The following ZNF37A variants were observed in gnomAD, a reference collection of about 807,000 sequenced individuals.
ZNF37A encodes the protein zinc finger protein 37a (KOX 21).
A neutral mutation model predicts 12.3 loss-of-function variants in ZNF37A; 10 were observed. The ratio of observed to expected loss-of-function variants is 0.82; its 90% CI spans 0.50 to 1.38. The LOEUF (loss-of-function observed/expected upper bound fraction) is 1.38. ZNF37A is among the 40% of genes most tolerant of loss of function. The pLI is 0.00. For synonymous variants in ZNF37A, 207 were observed against 223.0 expected, an observed-to-expected ratio of 0.93 and a Z score of 0.64; for missense variants, 580 against 651.2, an observed-to-expected ratio of 0.89 and a Z score of 1.19.
chr10:38,112,766 T>TCGG (rs1564932154), intron 5 of ZNF37A, among the ~76,000 whole-genome samples: 3,039 of 57,938 alleles, frequency 0.052, 347 homozygotes, highest in African/African-American at 0.072. Flanking sequence ...TTTTCTTTTC[T>TCGG]TTTCTTTTCT....
chr10:38,107,743 A>T (rs80162258), intron 5 of ZNF37A, among the ~76,000 whole-genome samples: 1 of 152,356 alleles, frequency 6.6e-6, no homozygotes, highest in South Asian at 2.1e-4. Context: ...ACGAAGATCA[A>T]AAGAGACAAA....
chr10:38,123,024 G>A lies in ZNF37A; in HGVS notation c.*4187G>A, dbSNP rs2069802141. ...CACGGTTTTGCAGGCTGTACAGGAA[G>A]CATGGTGCTAACATCTGATCAGCTT... On this transcript the variant is annotated 3_prime_UTR_variant, in exon 8 of 8. Coordinates refer to ENST00000685332, the MANE Select transcript of ZNF37A (RefSeq NM_001324250.3). 6.6e-6 allele frequency: 1 copy of A among 152,436 alleles called. No individual in the cohort carries two copies. Among genetic ancestry groups the A allele is most frequent in the Admixed American group, 6.5e-5 (1 of 15,276 alleles). The allele number at this position is 152,436 out of a possible 1,614,324, so 9.4% of individuals were successfully genotyped here.
chr10:38,138,328 C>G (rs2070138112), intron 7 of ZNF37A: 1 of 152,158 alleles, frequency 6.6e-6, no homozygotes. Flanking sequence ...ATCACAAACA[C>G]TAAGTATAGA....
chr10:38,109,286 AC>A (rs2068422213), intron 5 of ZNF37A, among the ~76,000 whole-genome samples: 4 of 152,074 alleles, frequency 2.6e-5, no homozygotes, highest in Admixed American at 2.6e-4. Flanking sequence ...AAAATTCAAC[AC>A]CCCTTCATGC....
At chr10:38,136,915 T>C (rs1287290500) in intron 7 of ZNF37A, among the ~76,000 whole-genome samples, 1 of 152,194 alleles carries the variant, frequency 6.6e-6, no homozygotes, top group Non-Finnish European at 1.5e-5. Flanking sequence ...TTTTTTGGCT[T>C]GCTTAAATCT....
chr10:38,123,574 A>ATATCCAAACTG lies in ZNF37A; in HGVS notation c.*4742_*4752dup, dbSNP rs2069837375. On this transcript the variant is annotated 3_prime_UTR_variant, in exon 8 of 8. Coordinates refer to ENST00000685332, the MANE Select transcript of ZNF37A (RefSeq NM_001324250.3). The stretch of plus-strand genomic sequence containing the variant: ...CAAAGTGAGATTTGGGCAGGGACTA[A>ATATCCAAACTG]TATCCAAACTGTATCAACATCTGAC... 1 of 152,122 alleles carries ATATCCAAACTG rather than the reference A, an allele frequency of 6.6e-6. No individual in the cohort carries two copies. The highest frequency in any genetic ancestry group is 1.5e-5 in the Non-Finnish European group (1 of 68,024). The allele number at this position is 152,122 out of a possible 1,614,324, so 9.4% of individuals were successfully genotyped here. A position where few individuals can be genotyped will look rare whatever the true frequency, so the allele number is the denominator to read the frequency against.
chr10:38,149,161 CAA>C (rs1424072216), exon 8 of ZNF37A: 1 of 152,130 alleles, frequency 6.6e-6, no homozygotes, highest in African/African-American at 2.4e-5. Context: ...TATTCTAACA[CAA>C]AATGATAGCT....
At chr10:38,112,612 C>T (rs1256720995) in intron 5 of ZNF37A, among the ~76,000 whole-genome samples, 1 of 151,292 alleles carries the variant, frequency 6.6e-6, no homozygotes, top group African/African-American at 2.4e-5. Flanking sequence ...TATTTATCTC[C>T]TGGATTTATC....
intron 5 of ZNF37A, among the ~76,000 whole-genome samples, chr10:38,097,398 T>C (rs1450080247): frequency 1.3e-5 from 2 of 151,754 alleles, no homozygotes; most frequent in African/African-American, 4.8e-5. Context: ...ACCAACATGG[T>C]GAAACCCCGT....
intron 7 of ZNF37A, chr10:38,144,513 A>G (rs1332580813): frequency 6.6e-6 from 1 of 152,194 alleles, no homozygotes; most frequent in Non-Finnish European, 1.5e-5. Flanking sequence ...TCATGATGCA[A>G]TATAGTATGA....
Position 38,118,078 on chromosome 10 carries a change from T to A in ZNF37A, c.927T>A (p.Tyr309Ter), listed in dbSNP as rs1196266244. 1 of 1,613,820 alleles carries A rather than the reference T, an allele frequency of 6.2e-7. No individual in the cohort carries two copies. The highest frequency in any genetic ancestry group is 1.7e-5 in the Admixed American group (1 of 59,954). Residue 309 changes from tyrosine (Y) to a stop codon, truncating the protein, a stop_gained, in exon 8 of 8, where the codon TAT becomes TAA. Transcript: ENST00000685332. LOFTEE classifies it low-confidence loss of function (END_TRUNC). Reference sequence around the variant, plus strand: ...GTCATGAATGTGGGAAGACCTTCTATAAGAATTCAGACCTCATTAAACATC... The same window carrying A: ...GTCATGAATGTGGGAAGACCTTCTAAAAGAATTCAGACCTCATTAAACATC... ...YECHECGKTF[Y>*]KNSDLIKHQR...
intron 5 of ZNF37A, among the ~76,000 whole-genome samples, chr10:38,111,220 A>G (rs1391436034): frequency 6.6e-6 from 1 of 152,164 alleles, no homozygotes; most frequent in Admixed American, 6.5e-5. Flanking sequence ...ATTCTCAGCA[A>G]ACTAACACAA....
Position 38,114,901 on chromosome 10 carries a change from C to G in ZNF37A, c.142+20C>G, listed in dbSNP as rs778843904. 2.5e-6 allele frequency: 4 copies of G among 1,597,634 alleles called. No individual in the cohort carries two copies. The highest frequency in any genetic ancestry group is 3.6e-5 in the Admixed American group (2 of 55,912). On this transcript the variant is annotated intron_variant, in intron 6 of 7. Coordinates refer to ENST00000685332, the MANE Select transcript of ZNF37A (RefSeq NM_001324250.3). ...CAGTAGGTAGGTAGGAATTGTTTCC[C>G]ATGTAGAAGGCCAGAATGCATGTCC...
intron 7 of ZNF37A, among the ~76,000 whole-genome samples, chr10:38,131,457 A>G (rs2070026142): frequency 6.6e-6 from 1 of 152,078 alleles, no homozygotes; most frequent in Non-Finnish European, 1.5e-5. Flanking sequence ...TCATTTTTCT[A>G]TTGAATGGCC....
intron 7 of ZNF37A, chr10:38,142,247 A>C (rs1264350361): frequency 6.6e-6 from 1 of 152,196 alleles, no homozygotes; most frequent in Non-Finnish European, 1.5e-5. Flanking sequence ...GAACAGCCTC[A>C]GGATAGAGTA....
At chr10:38,147,585 A>T (rs1381848243) in exon 8 of ZNF37A, 4 of 152,182 alleles carry the variant, frequency 2.6e-5, no homozygotes, top group Non-Finnish European at 4.4e-5. Flanking sequence ...ATTTTGCAAC[A>T]TTTCCTTGCA....
intron 5 of ZNF37A, among the ~76,000 whole-genome samples, chr10:38,112,519 G>A (rs931729026): frequency 6.6e-6 from 1 of 150,512 alleles, no homozygotes; most frequent in Non-Finnish European, 1.5e-5. Context: ...AATGTACACA[G>A]TGCTCTTGAT....
chr10:38,113,047 C>T (rs1409207577), intron 5 of ZNF37A, among the ~76,000 whole-genome samples: 1 of 151,620 alleles, frequency 6.6e-6, no homozygotes. Flanking sequence ...ACCTTGTGAT[C>T]CTCCTGCCTT....
chr10:38,142,043 G>A (rs532601147), intron 7 of ZNF37A: 63 of 152,464 alleles, frequency 4.1e-4, no homozygotes, highest in South Asian at 1.0e-3. Flanking sequence ...CCAGGAGGTG[G>A]AGGTTGCAGT....
Sources: gnomAD v4.1 joint callset for allele counts (sites outside exome capture counted in the v4.1 genomes callset) on GRCh38, gnomAD v4.1.1 for gene constraint, MANE v1.5 for transcripts, NCBI Gene and HGNC (gene_info 2026-07-23, HGNC 2026-07-21) for gene names.